KIRREL3: variants seen among roughly 807,000 people sequenced by gnomAD.
KIRREL3 encodes kirre like nephrin family adhesion molecule 3, also known as kin of IRRE-like protein 3.
KIRREL3 carries 36 observed loss-of-function variants against 89.7 expected under a neutral mutation model. That is an observed-to-expected ratio of 0.40 (90% confidence interval 0.31 to 0.53). The LOEUF (loss-of-function observed/expected upper bound fraction) is 0.53, where lower values mean the gene tolerates loss of function less well. Ranked by LOEUF, KIRREL3 falls within the 20% of genes least tolerant of loss-of-function variation. The pLI is 0.49. For missense variants in KIRREL3, 864 were observed against 1,056.6 expected (o/e 0.82, Z 2.53); for synonymous variants, 445 against 441.4 (o/e 1.01, Z -0.10).
chr11:126,431,551 T>G lies in KIRREL3; in HGVS notation c.1589-25A>C, dbSNP rs754558813. ...TCTGTGGGAGAGAAGCGGGCACAGC[T>G]GATGACGGATGGGGAATGGCCTACT... On this transcript the variant is annotated intron_variant, in intron 13 of 16. Transcript: ENST00000525144. This position sits in a 1 kb window ranked among gnomAD's most constrained non-coding sequence, Gnocchi z 7.1. 1 of 1,601,614 alleles carries G rather than the reference T, an allele frequency of 6.2e-7. No homozygotes were observed. Among genetic ancestry groups the G allele is most frequent in the Non-Finnish European group, 8.5e-7 (1 of 1,170,268 alleles).
intron 1 of KIRREL3, among the ~76,000 whole-genome samples, chr11:126,956,180 C>G (rs1367476354): frequency 6.6e-6 from 1 of 152,208 alleles, no homozygotes; most frequent in Non-Finnish European, 1.5e-5. Context: ...CACTTACTTA[C>G]TCAACCAATG....
At chr11:126,928,734 A>AT (rs1247266858) in intron 1 of KIRREL3, among the ~76,000 whole-genome samples, 3 of 151,890 alleles carry the variant, frequency 2.0e-5, no homozygotes, top group South Asian at 2.1e-4. Flanking sequence ...GTAGAGTTTT[A>AT]TTTTTTTTCT....
At chr11:126,728,350 G>A (rs1055594156) in intron 1 of KIRREL3, among the ~76,000 whole-genome samples, 1 of 152,168 alleles carries the variant, frequency 6.6e-6, no homozygotes, top group Non-Finnish European at 1.5e-5. Context: ...CCCGTGGCAT[G>A]CTGCACATGC....
rs1036623782 is a variant in KIRREL3 at position 126,729,491 on chromosome 11, G to A, written c.56-166579C>T. ...CTCCAGAGTCACAGGGGGAGTCAAA[G>A]GGTCAATAGGTGCTTCTCCTTTGCA... On this transcript the variant is annotated intron_variant, in intron 1 of 16. Coordinates refer to ENST00000525144, the MANE Select transcript of KIRREL3 (RefSeq NM_032531.4). This position sits in a 1 kb window ranked among gnomAD's most constrained non-coding sequence, Gnocchi z 4.5. Among the ~76,000 whole-genome samples, 3 of 152,172 alleles carry A rather than the reference G, an allele frequency of 2.0e-5. No homozygotes were observed. The highest frequency in any genetic ancestry group is 4.4e-5 in the Non-Finnish European group (3 of 68,030).
Position 126,943,295 on chromosome 11 carries a change from G to A in KIRREL3, c.55+57160C>T, listed in dbSNP as rs568552438. Among the ~76,000 whole-genome samples the A allele has an allele frequency of 6.6e-6, 1 of 152,214 alleles. No homozygotes were observed. The highest frequency in any genetic ancestry group is 2.4e-5 in the African/African-American group (1 of 41,538). ...CTCACTCAATTACAGTTAAAGCCCT[G>A]TTCCAGGGAGGAGTGGAGGGAGACT... On this transcript the variant is annotated intron_variant, in intron 1 of 16. Transcript: ENST00000525144. The surrounding 1 kb of genome is among the most constrained non-coding windows in gnomAD (Gnocchi z 4.2).
At chr11:126,793,777 A>G (rs1950719153) in intron 1 of KIRREL3, among the ~76,000 whole-genome samples, 1 of 152,254 alleles carries the variant, frequency 6.6e-6, no homozygotes, top group South Asian at 2.1e-4. Flanking sequence ...GCTCATGCTC[A>G]TGAGACACTC....
chr11:126,720,323 AC>A (rs1948121693), intron 1 of KIRREL3, among the ~76,000 whole-genome samples: 1 of 152,184 alleles, frequency 6.6e-6, no homozygotes. Flanking sequence ...TGCCTGTCCC[AC>A]CAGCCCTCAC....
At chr11:126,661,499 G>A (rs181916671) in intron 1 of KIRREL3, among the ~76,000 whole-genome samples, 1 of 152,326 alleles carries the variant, frequency 6.6e-6, no homozygotes, top group East Asian at 1.9e-4. Flanking sequence ...ATTAATCTGT[G>A]CTCATGGAAT....
In KIRREL3 at chr11:126,535,183, C is replaced by T. The variant is rs1011133881; in HGVS notation, c.134-8496G>A. On this transcript the variant is annotated intron_variant, in intron 2 of 16. Transcript: ENST00000525144. The surrounding 1 kb of genome is among the most constrained non-coding windows in gnomAD (Gnocchi z 4.5). ...CAGTTGTTTCCCCACCCTCCTCCAT[C>T]GGGACTCCTCCTGACTGCTCTTCCC... Among the ~76,000 whole-genome samples the T allele has an allele frequency of 2.0e-4, 30 of 152,116 alleles. No homozygotes were observed. The highest frequency in any genetic ancestry group is 5.8e-4 in the African/African-American group (24 of 41,414).
chr11:126,577,623 G>A (rs186981003), intron 1 of KIRREL3, among the ~76,000 whole-genome samples: 13 of 151,360 alleles, frequency 8.6e-5, no homozygotes, highest in African/African-American at 2.4e-4. Flanking sequence ...TTAGCGGGGC[G>A]TGGTGGCAGG....
rs139808336 is a variant in KIRREL3 at position 126,872,716 on chromosome 11, G to A, written c.55+127739C>T. On this transcript the variant is annotated intron_variant, in intron 1 of 16. Transcript: ENST00000525144. The surrounding 1 kb of genome is among the most constrained non-coding windows in gnomAD (Gnocchi z 4.2). The stretch of plus-strand genomic sequence containing the variant: ...CTTGTTTTCATCTTTGTCAGTGTGG[G>A]TACTTTCCTGCTCTGTGCTGCCAGA... Among the ~76,000 whole-genome samples, 482 of 152,288 alleles carry A rather than the reference G, an allele frequency of 3.2e-3. 1 individual carries two copies. The highest frequency in any genetic ancestry group is 5.4e-3 in the Non-Finnish European group (367 of 68,028).
chr11:126,713,496 G>A (rs1382248505), intron 1 of KIRREL3, among the ~76,000 whole-genome samples: 1 of 152,204 alleles, frequency 6.6e-6, no homozygotes, highest in Non-Finnish European at 1.5e-5. Context: ...GATGGGGCAG[G>A]AGGCCATTGC....
intron 1 of KIRREL3, among the ~76,000 whole-genome samples, chr11:126,827,055 T>A (rs1943440695): frequency 1.3e-5 from 2 of 152,148 alleles, no homozygotes; most frequent in South Asian, 4.2e-4. Context: ...CTGCCTTTAA[T>A]TTTGTCTGTA....
chr11:126,649,782 G>A (rs1944837856), intron 1 of KIRREL3, among the ~76,000 whole-genome samples: 1 of 152,206 alleles, frequency 6.6e-6, no homozygotes, highest in South Asian at 2.1e-4. Flanking sequence ...GGATCTGGAG[G>A]GCGATGGCCC....
chr11:126,590,732 G>A (rs1397971454), intron 1 of KIRREL3, among the ~76,000 whole-genome samples: 1 of 152,138 alleles, frequency 6.6e-6, no homozygotes, highest in Non-Finnish European at 1.5e-5. Flanking sequence ...GCTGCACCAG[G>A]CTCAAGGAGG....
intron 1 of KIRREL3, among the ~76,000 whole-genome samples, chr11:126,654,916 G>C (rs1005852289): frequency 6.6e-6 from 1 of 152,106 alleles, no homozygotes; most frequent in Non-Finnish European, 1.5e-5. Context: ...GTCTGCAGAG[G>C]ACCATTCATT....
At position 126,624,208 on chromosome 11, in the gene KIRREL3, G is replaced by A. The variant is rs1943687972; in HGVS notation, c.56-61296C>T. Among the ~76,000 whole-genome samples, 1 of 152,196 alleles carries A rather than the reference G, an allele frequency of 6.6e-6. No individual in the cohort carries two copies. Among genetic ancestry groups the A allele is most frequent in the Admixed American group, 6.5e-5 (1 of 15,290 alleles). ...ATACAGGGAGCCAGGGGGTGGCGGT[G>A]TGGCGGGGAGGAGGCCAGAATGAAA... On this transcript the variant is annotated intron_variant, in intron 1 of 16. Coordinates refer to ENST00000525144, the MANE Select transcript of KIRREL3 (RefSeq NM_032531.4). The surrounding 1 kb of genome is among the most constrained non-coding windows in gnomAD (Gnocchi z 6.0).
At position 126,676,993 on chromosome 11, in the gene KIRREL3, G is replaced by T. The variant is rs528237948; in HGVS notation, c.56-114081C>A. Among the ~76,000 whole-genome samples the T allele has an allele frequency of 6.6e-6, 1 of 151,986 alleles. No homozygotes were observed. The highest frequency in any genetic ancestry group is 2.4e-5 in the African/African-American group (1 of 41,470). On this transcript the variant is annotated intron_variant, in intron 1 of 16. Transcript: ENST00000525144. The surrounding 1 kb of genome is among the most constrained non-coding windows in gnomAD (Gnocchi z 4.5). ...TGTAGAGACAGGGTCTTGCTGTGTT[G>T]CCAGGGCTGATCTTGAACTCCTGGG...
At position 126,817,671 on chromosome 11, in the gene KIRREL3, C is replaced by G. The variant is rs1951619208; in HGVS notation, c.55+182784G>C. Among the ~76,000 whole-genome samples, 1 of 152,220 alleles carries G rather than the reference C, an allele frequency of 6.6e-6. No individual in the cohort carries two copies. Among genetic ancestry groups the G allele is most frequent in the Admixed American group, 6.5e-5 (1 of 15,290 alleles). The stretch of plus-strand genomic sequence containing the variant: ...TGCAGAAGAGCAATGAGACCAATGC[C>G]AGATCCCAGAGGGGTCAGGGAGCTC... On this transcript the variant is annotated intron_variant, in intron 1 of 16. Coordinates refer to ENST00000525144, the MANE Select transcript of KIRREL3 (RefSeq NM_032531.4). This position sits in a 1 kb window ranked among gnomAD's most constrained non-coding sequence, Gnocchi z 5.7.
Sources: allele counts gnomAD v4.1 joint callset (sites outside exome capture counted in the v4.1 genomes callset), GRCh38; gene constraint gnomAD v4.1.1; non-coding constraint Gnocchi (gnomAD v3.1); transcripts MANE v1.5; gene names NCBI Gene and HGNC (gene_info 2026-07-23, HGNC 2026-07-21).